The following ABCC12 variants were observed in gnomAD, a reference collection of about 807,000 sequenced individuals.
ABCC12 encodes the protein ATP binding cassette subfamily C member 12, also known as ATP-binding cassette sub-family C member 12.
Under a neutral mutation model 151.1 loss-of-function variants are expected in ABCC12, and 142 were observed. The observed-to-expected ratio is 0.94, with a 90% CI of 0.82 to 1.08. The LOEUF (loss-of-function observed/expected upper bound fraction) is 1.08, where lower values mean the gene tolerates loss of function less well. Among genes scored for constraint, ABCC12 ranks in the 50% least tolerant of loss-of-function variants. ABCC12 has a pLI of 0.00. For missense variants in ABCC12, 1,638 were observed against 1,691.1 expected, an observed-to-expected ratio of 0.97 and a Z score of 0.55; for synonymous variants, 645 against 646.4, an observed-to-expected ratio of 1.00 and a Z score of 0.03.
intron 12 of ABCC12, among the ~76,000 whole-genome samples, chr16:48,123,303 A>T (rs956694839): frequency 2.0e-5 from 3 of 152,144 alleles, no homozygotes; most frequent in Non-Finnish European, 4.4e-5. Context: ...TCTATGGCTC[A>T]CGCTGACTCA....
At chr16:48,136,491 G>A (rs1347961332) in intron 8 of ABCC12, among the ~76,000 whole-genome samples, 1 of 152,204 alleles carries the variant, frequency 6.6e-6, no homozygotes, top group Non-Finnish European at 1.5e-5. Flanking sequence ...TGAACCTGAT[G>A]TCTACTACAT....
At chr16:48,084,094 T>G (rs1262880758) in intron 29 of ABCC12, 21 bp from the exon 30 acceptor site, 1 of 1,592,650 alleles carries the variant, frequency 6.3e-7, no homozygotes, top group Non-Finnish European at 8.5e-7. Context: ...GGAAACATTA[T>G]AAGCCAAAGG....
Position 48,090,913 on chromosome 16 carries a change from G to A in ABCC12, c.3285+207C>T, listed in dbSNP as rs1962854037. Among the ~76,000 whole-genome samples, 2 of 152,146 alleles carry A rather than the reference G, an allele frequency of 1.3e-5. 1 individual carries two copies. The highest frequency in any genetic ancestry group is 4.1e-4 in the South Asian group (2 of 4,824). On this transcript the variant is annotated intron_variant, in intron 25 of 30. Coordinates refer to ENST00000311303, the MANE Select transcript of ABCC12 (RefSeq NM_001393797.1). ...TTTAGTGGAGACAGGGTTTCACCAT[G>A]TTGGCCAGGCTGGTCTCAAACTCTT...
At chr16:48,132,893 C>T (rs1234234784) in intron 9 of ABCC12, among the ~76,000 whole-genome samples, 3 of 152,132 alleles carry the variant, frequency 2.0e-5, no homozygotes, top group Non-Finnish European at 4.4e-5. Flanking sequence ...AAACCGAGGC[C>T]AGAGAGGCTC....
At chr16:48,091,034 C>T in intron 25 of ABCC12, 86 bp downstream of exon 25, 1 of 1,318,628 alleles carries the variant, frequency 7.6e-7, no homozygotes, top group Non-Finnish European at 1.1e-6. Flanking sequence ...TTAAAAAGAC[C>T]CCTTTCGCAT....
intron 20 of ABCC12, among the ~76,000 whole-genome samples, chr16:48,106,540 G>T (rs1176625342): frequency 6.6e-6 from 1 of 152,234 alleles, no homozygotes. Context: ...AGTGAGGGGG[G>T]ATCTGGGAGA....
In ABCC12 at chr16:48,115,631, A is replaced by T. The variant is rs1423787227; in HGVS notation, c.1786-13T>A. On this transcript the variant is annotated splice_polypyrimidine_tract_variant and intron_variant, in intron 14 of 30. Coordinates refer to ENST00000311303, the MANE Select transcript of ABCC12 (RefSeq NM_001393797.1). The stretch of plus-strand genomic sequence containing the variant: ...CCCGCTCCCCAATCTGTGGACAGGG[A>T]CAATGCTACTGCCCATTGTCAGCCC... 1.9e-6 allele frequency: 3 copies of T among 1,609,938 alleles called. No homozygotes were observed.
chr16:48,126,988 C>G (rs1034415833), intron 11 of ABCC12, among the ~76,000 whole-genome samples: 2 of 152,112 alleles, frequency 1.3e-5, no homozygotes, highest in Admixed American at 6.5e-5. Context: ...GGGGGGAAGT[C>G]AGGTGCTCCA....
rs945723919 is a variant in ABCC12 at position 48,100,919 on chromosome 16, G to A, written c.2991C>T (p.Gly997=). ...WFTHITSSMQ[G]LGIIHAYGKK... Reference sequence around the variant, plus strand: ...TGCCATAGGCGTGAATGATGCCCAGGCCCTGCATGGAGGAGGTGATGTGGG... The same window carrying A: ...TGCCATAGGCGTGAATGATGCCCAGACCCTGCATGGAGGAGGTGATGTGGG... Residue 997 remains glycine (G), a synonymous_variant, in exon 23 of 31, where the codon GGC becomes GGT. Coordinates refer to ENST00000311303, the MANE Select transcript of ABCC12 (RefSeq NM_001393797.1). 5 of 1,614,106 alleles carry A rather than the reference G, an allele frequency of 3.1e-6. No individual in the cohort carries two copies. The highest frequency in any genetic ancestry group is 4.2e-6 in the Non-Finnish European group (5 of 1,180,048).
At chr16:48,141,818 C>A (rs1311811615) in intron 4 of ABCC12, among the ~76,000 whole-genome samples, 1 of 152,168 alleles carries the variant, frequency 6.6e-6, no homozygotes, top group Non-Finnish European at 1.5e-5. Context: ...CTTCACAAGA[C>A]CTAGGGAAAA....
chr16:48,147,635 A>C (rs1387888796), intron 2 of ABCC12, among the ~76,000 whole-genome samples: 1 of 152,180 alleles, frequency 6.6e-6, no homozygotes, highest in East Asian at 1.9e-4. Context: ...GGACTTACTC[A>C]AGAGTATATA....
intron 15 of ABCC12, among the ~76,000 whole-genome samples, chr16:48,114,041 T>C (rs1963790878): frequency 6.6e-6 from 1 of 152,128 alleles, no homozygotes; most frequent in Non-Finnish European, 1.5e-5. Context: ...ATGAGGGTCT[T>C]GAAGAAATCC....
chr16:48,141,012 G>A, intron 5 of ABCC12, 92 bp from the exon 6 acceptor site: 1 of 1,423,208 alleles, frequency 7.0e-7, no homozygotes, highest in Non-Finnish European at 9.6e-7. Flanking sequence ...CTGACTTTAA[G>A]AGGCAAACTT....
At chr16:48,093,344 C>T (rs1035284810) in intron 24 of ABCC12, among the ~76,000 whole-genome samples, 3 of 152,144 alleles carry the variant, frequency 2.0e-5, no homozygotes, top group African/African-American at 7.2e-5. Flanking sequence ...CTCAAACATG[C>T]CAGGATCATG....
intron 3 of ABCC12, among the ~76,000 whole-genome samples, chr16:48,144,674 A>T (rs567832291): frequency 6.6e-6 from 1 of 152,186 alleles, no homozygotes; most frequent in Non-Finnish European, 1.5e-5. Flanking sequence ...CCTTCCCTAC[A>T]TCACTCTCCC....
chr16:48,116,305 C>A (rs987216689), intron 14 of ABCC12, among the ~76,000 whole-genome samples: 2 of 152,166 alleles, frequency 1.3e-5, no homozygotes, highest in Non-Finnish European at 2.9e-5. Flanking sequence ...CAAGAGAAGT[C>A]CCCTCTCCCT....
intron 15 of ABCC12, among the ~76,000 whole-genome samples, chr16:48,113,059 T>A (rs972712462): frequency 5.3e-5 from 8 of 152,056 alleles, no homozygotes; most frequent in Non-Finnish European, 8.8e-5. Context: ...CTAAAGATGG[T>A]TTGACCGAAA....
intron 15 of ABCC12, among the ~76,000 whole-genome samples, chr16:48,113,612 C>G (rs1407213331): frequency 6.6e-6 from 1 of 152,170 alleles, no homozygotes; most frequent in Non-Finnish European, 1.5e-5. Flanking sequence ...AGCCCCGGGC[C>G]GCAGTTCTGG....
At chr16:48,135,573 T>C (rs1952883948) in intron 8 of ABCC12, among the ~76,000 whole-genome samples, 1 of 151,856 alleles carries the variant, frequency 6.6e-6, no homozygotes, top group Non-Finnish European at 1.5e-5. Context: ...TTTTGCAGAG[T>C]TGGGATCTCC....
Sources: gnomAD v4.1 joint callset for allele counts (sites outside exome capture counted in the v4.1 genomes callset) on GRCh38, gnomAD v4.1.1 for gene constraint, MANE v1.5 for transcripts, NCBI Gene and HGNC (gene_info 2026-07-23, HGNC 2026-07-21) for gene names.